The following ABCA1 variants were observed in gnomAD, a reference collection of about 807,000 sequenced individuals.
ABCA1 encodes phospholipid-transporting ATPase ABCA1.
In ABCA1, 133 loss-of-function variants were observed where a neutral mutation model predicts 262.5. The observed-to-expected ratio is 0.51, with a 90% confidence interval of 0.44 to 0.59. The LOEUF (loss-of-function observed/expected upper bound fraction) is 0.59, where lower values mean the gene tolerates loss of function less well. ABCA1 is among the 20% of genes least tolerant of loss of function. The pLI, the probability that ABCA1 is intolerant of heterozygous loss-of-function variation, is 0.00. For synonymous variants in ABCA1, 1,022 were observed against 1,043.5 expected (o/e 0.98, Z 0.40); for missense variants, 2,452 against 2,777.5 (o/e 0.88, Z 2.63).
intron 28 of ABCA1, among the ~76,000 whole-genome samples, chr9:104,812,174 C>T (rs1235680776): frequency 1.3e-5 from 2 of 152,156 alleles, no homozygotes; most frequent in Non-Finnish European, 2.9e-5. Flanking sequence ...CTGGGCATAA[C>T]AACTCTCATG....
In ABCA1 at chr9:104,825,876, A is replaced by G; in HGVS notation, c.2349T>C (p.Ser783=). 2 of 1,614,048 alleles carry G rather than the reference A, an allele frequency of 1.2e-6. No individual in the cohort carries two copies. The highest frequency in any genetic ancestry group is 8.5e-7 in the Non-Finnish European group (1 of 1,180,038). ...CACAGCCAAACCCAAAAGCCACAGG[A>G]GACAGCAGGCTCTGTGAGAAACAGG... The part of the protein sequence containing the change: ...FTLKIFASLL[S]PVAFGFGCEY... The change falls in exon 17 of 50, where the codon TCT becomes TCC. Residue 783 remains serine (S), a synonymous_variant. Coordinates refer to ENST00000374736, the MANE Select transcript of ABCA1 (RefSeq NM_005502.4).
intron 8 of ABCA1, among the ~76,000 whole-genome samples, chr9:104,841,746 G>A (rs187473446): frequency 5.3e-5 from 8 of 152,260 alleles, no homozygotes; most frequent in African/African-American, 1.7e-4. Flanking sequence ...TCCCAACAGC[G>A]TGAGTCAGAA....
At chr9:104,922,512 A>G (rs569732908) in intron 1 of ABCA1, among the ~76,000 whole-genome samples, 6 of 152,306 alleles carry the variant, frequency 3.9e-5, no homozygotes, top group African/African-American at 1.2e-4. Flanking sequence ...TTTCCCATCT[A>G]TAAAGACAAT....
At position 104,782,553 on chromosome 9, in the gene ABCA1, G is replaced by C. The variant is rs899589544; in HGVS notation, c.*1762C>G. 8 of 152,064 alleles carry C rather than the reference G, an allele frequency of 5.3e-5. No homozygotes were observed. The highest frequency in any genetic ancestry group is 5.2e-4 in the Admixed American group (8 of 15,264). 9.4% of individuals were successfully genotyped at this position (152,064 alleles called of 1,614,324 possible). ...TTAGTGAAACAGTATTTTTACAAAT[G>C]TTTACTGACTAGAAAAATAAGACTG... On this transcript the variant is annotated 3_prime_UTR_variant, in exon 50 of 50. Transcript: ENST00000374736.
chr9:104,903,054 G>A (rs767090900), intron 2 of ABCA1, among the ~76,000 whole-genome samples: 2 of 152,130 alleles, frequency 1.3e-5, no homozygotes, highest in South Asian at 2.1e-4. Context: ...ATTCACCTGC[G>A]CATTAAAGAT....
intron 1 of ABCA1, among the ~76,000 whole-genome samples, chr9:104,913,143 G>A (rs1455360236): frequency 6.6e-6 from 1 of 152,200 alleles, no homozygotes; most frequent in Non-Finnish European, 1.5e-5. Context: ...TTATGAAAGT[G>A]CTCAAAGCAT....
chr9:104,864,606 C>A (rs534796708), intron 5 of ABCA1, among the ~76,000 whole-genome samples: 2 of 152,200 alleles, frequency 1.3e-5, no homozygotes, highest in Admixed American at 1.3e-4. Flanking sequence ...TCTGTGAAAC[C>A]TCAACAGAAA....
intron 1 of ABCA1, among the ~76,000 whole-genome samples, chr9:104,919,343 G>A (rs1842012189): frequency 6.6e-6 from 1 of 152,096 alleles, no homozygotes; most frequent in Admixed American, 6.6e-5. Flanking sequence ...CGGGCACTGT[G>A]GCTCACATCT....
chr9:104,789,180 C>A (rs1029591442), intron 44 of ABCA1, among the ~76,000 whole-genome samples: 1 of 152,200 alleles, frequency 6.6e-6, no homozygotes, highest in Non-Finnish European at 1.5e-5. Flanking sequence ...CTAATTAGCA[C>A]CCCCAGGGTC....
chr9:104,852,655 T>A (rs1042340795), intron 7 of ABCA1, among the ~76,000 whole-genome samples: 6 of 152,172 alleles, frequency 3.9e-5, no homozygotes, highest in Non-Finnish European at 8.8e-5. Context: ...CCCATAAGAA[T>A]GAGGTGAACA....
intron 7 of ABCA1, among the ~76,000 whole-genome samples, chr9:104,856,655 C>T (rs1385147769): frequency 3.3e-5 from 5 of 152,166 alleles, no homozygotes; most frequent in Non-Finnish European, 5.9e-5. Flanking sequence ...GGGATTTTAC[C>T]GGGTTGTGTA....
chr9:104,806,452 AG>A, intron 30 of ABCA1, 22 bp from the exon 31 acceptor site: 1 of 1,613,726 alleles, frequency 6.2e-7, no homozygotes, highest in South Asian at 1.1e-5. Context: ...AGACAGCAAG[AG>A]TAGGATTACC....
intron 11 of ABCA1, among the ~76,000 whole-genome samples, chr9:104,834,302 G>A (rs1056534621): frequency 6.7e-6 from 1 of 149,778 alleles, no homozygotes; most frequent in South Asian, 2.2e-4. Context: ...TGGGTGGAAT[G>A]GAGGTACGCA....
chr9:104,873,689 C>A (rs913549028), intron 5 of ABCA1, among the ~76,000 whole-genome samples: 1 of 152,208 alleles, frequency 6.6e-6, no homozygotes, highest in South Asian at 2.1e-4. Context: ...ATGTGTGTAT[C>A]CCCTGCATTT....
chr9:104,913,945 G>GC (rs1344063999), intron 1 of ABCA1, among the ~76,000 whole-genome samples: 1 of 141,504 alleles, frequency 7.1e-6, no homozygotes, highest in Non-Finnish European at 1.6e-5. Context: ...ACCGACAGCC[G>GC]CCTGCCAACA....
intron 1 of ABCA1, among the ~76,000 whole-genome samples, chr9:104,926,471 A>AAAC: frequency 8.0e-6 from 1 of 124,578 alleles, no homozygotes. Context: ...CCAAAAAAAC[A>AAAC]AAAAAAAAAA....
At chr9:104,822,759 G>C (rs1832477605) in intron 18 of ABCA1, 92 bp from the exon 19 acceptor site, 1 of 1,465,764 alleles carries the variant, frequency 6.8e-7, no homozygotes, top group African/African-American at 1.4e-5. Flanking sequence ...ACTTTCAGAA[G>C]TGCCTTCTCT....
At chr9:104,867,130 CAAGTA>C (rs1286031009) in intron 5 of ABCA1, among the ~76,000 whole-genome samples, 1 of 152,140 alleles carries the variant, frequency 6.6e-6, no homozygotes, top group Admixed American at 6.5e-5. Context: ...TGAAACAAAC[CAAGTA>C]AAGAGGACAC....
chr9:104,862,438 A>G (rs1836505953), intron 5 of ABCA1, among the ~76,000 whole-genome samples: 1 of 100,586 alleles, frequency 9.9e-6, no homozygotes, highest in South Asian at 3.2e-4. Flanking sequence ...CACCCACCCC[A>G]CCTGAGCTTT....
Sources: gnomAD v4.1 joint callset for allele counts (sites outside exome capture counted in the v4.1 genomes callset) on GRCh38, gnomAD v4.1.1 for gene constraint, MANE v1.5 for transcripts, NCBI Gene and HGNC (gene_info 2026-07-23, HGNC 2026-07-21) for gene names.